Variants in PPIL2 observed in about 807,000 individuals in gnomAD.
The protein encoded by PPIL2 is peptidylprolyl isomerase like 2.
Under a neutral mutation model 75.2 loss-of-function variants are expected in PPIL2, and 50 were observed. The observed-to-expected ratio is 0.66, with a 90% CI of 0.53 to 0.84. The LOEUF is 0.84. Among genes scored for constraint, PPIL2 ranks in the 40% least tolerant of loss-of-function variants. The pLI is 0.00. For synonymous variants in PPIL2, 245 were observed against 258.8 expected (o/e 0.95, Z 0.51); for missense variants, 590 against 685.0 (o/e 0.86, Z 1.55).
intron 1 of PPIL2, among the ~76,000 whole-genome samples, chr22:21,667,567 C>CTTTAT (rs1468769932): frequency 1.4e-4 from 21 of 152,078 alleles, no homozygotes; most frequent in Admixed American, 1.0e-3. Context: ...CTTTGTTTTC[C>CTTTAT]ATCGACTTCA....
At position 21,695,846 on chromosome 22, in the gene PPIL2, G is replaced by C; in HGVS notation, c.*356G>C. The stretch of plus-strand genomic sequence containing the variant: ...AGATTGTGGTTTCCTCTTTAAGACA[G>C]GGTCTTGCTCTGTTGCCCAGGCTCC... On this transcript the variant is annotated 3_prime_UTR_variant, in exon 20 of 20. Transcript: ENST00000398831. 1 of 1,155,142 alleles carries C rather than the reference G, an allele frequency of 8.7e-7. No homozygotes were observed. The highest frequency in any genetic ancestry group is 1.1e-6 in the Non-Finnish European group (1 of 927,066). The allele number at this position is 1,155,142 out of a possible 1,614,324, so 71.6% of individuals were successfully genotyped here.
intron 7 of PPIL2, 38 bp from the exon 8 acceptor site, chr22:21,682,399 G>C: frequency 6.4e-7 from 1 of 1,564,612 alleles, no homozygotes; most frequent in East Asian, 2.2e-5. Flanking sequence ...GCCAAGGCTT[G>C]GGGCAGGCAT....
chr22:21,680,098 A>T (rs1384565873), intron 6 of PPIL2, among the ~76,000 whole-genome samples: 1 of 151,766 alleles, frequency 6.6e-6, no homozygotes, highest in Non-Finnish European at 1.5e-5. Context: ...CTCAAAAAAA[A>T]AAAAAAAGAA....
At chr22:21,675,840 G>T (rs1285115849) in intron 6 of PPIL2, among the ~76,000 whole-genome samples, 1 of 152,204 alleles carries the variant, frequency 6.6e-6, no homozygotes, top group Non-Finnish European at 1.5e-5. Flanking sequence ...GCTTTTCTTT[G>T]CCACAGCTCA....
Position 21,678,367 on chromosome 22 carries a change from G to T in PPIL2, c.296-2932G>T, listed in dbSNP as rs538208839. Among the ~76,000 whole-genome samples, 10 of 152,114 alleles carry T rather than the reference G, an allele frequency of 6.6e-5. No individual in the cohort carries two copies. In the South Asian group the frequency reaches 2.1e-3, roughly 32 times the overall value. ...CCACCTCAGCCTCCCAAGTAGCTGG[G>T]ACTACAGGCACCACCACTGCACCCA... On this transcript the variant is annotated intron_variant, in intron 6 of 19. Coordinates refer to ENST00000398831, the MANE Select transcript of PPIL2 (RefSeq NM_014337.4).
chr22:21,673,782 C>T (rs1057306532), intron 5 of PPIL2, among the ~76,000 whole-genome samples: 4 of 152,204 alleles, frequency 2.6e-5, no homozygotes, highest in Admixed American at 2.0e-4. Flanking sequence ...CTAGCCAAAC[C>T]TCTGAGGAGA....
At chr22:21,678,984 C>T (rs2066992711) in intron 6 of PPIL2, among the ~76,000 whole-genome samples, 1 of 151,376 alleles carries the variant, frequency 6.6e-6, no homozygotes, top group Non-Finnish European at 1.5e-5. Context: ...GCAACCTCCG[C>T]CTCTTGGGTT....
chr22:21,691,726 A>G (rs1248008926), intron 15 of PPIL2, among the ~76,000 whole-genome samples: 2 of 151,344 alleles, frequency 1.3e-5, no homozygotes, highest in Non-Finnish European at 2.9e-5. Context: ...AGCTTGCCTC[A>G]GGATGGTTCT....
intron 12 of PPIL2, 44 bp from the exon 13 acceptor site, chr22:21,687,599 T>A (rs1412502617): frequency 8.3e-7 from 1 of 1,199,214 alleles, no homozygotes. Context: ...TGAGCTGCCT[T>A]TGGCAGCTCT....
rs1380393948 is a variant in PPIL2 at position 21,675,132 on chromosome 22, CAGCCA to C, written c.295+19_295+23del. 1.2e-6 allele frequency: 2 copies of C among 1,609,194 alleles called. No individual in the cohort carries two copies. The highest frequency in any genetic ancestry group is 2.2e-5 in the East Asian group (1 of 44,878). Reference sequence around the variant, plus strand: ...ACAGTGAGGGTGAGTGGAACTATCACAGCCAATTCTGGGCTTGACCTGCAGACCCA... The same window carrying C: ...ACAGTGAGGGTGAGTGGAACTATCACATTCTGGGCTTGACCTGCAGACCCA... On this transcript the variant is annotated intron_variant, in intron 6 of 19. Transcript: ENST00000398831.
In PPIL2 at chr22:21,669,929, G is replaced by A; in HGVS notation, c.49G>A (p.Glu17Lys). The change falls in exon 2 of 20, where the codon GAA becomes AAA. Residue 17 changes from glutamate to lysine, a missense_variant. Glu to Lys is a moderately conservative substitution (Grantham distance 56). Transcript: ENST00000398831. ...QKDKMYITCAEYTHFYGGKKP... is the reference protein window; with the variant it reads ...QKDKMYITCAKYTHFYGGKKP... ...CTTCTTCAGGTACATTACCTGTGCTGAATACACTCACTTTTATGGTGGCAA... is the reference window on the plus strand; with the variant it reads ...CTTCTTCAGGTACATTACCTGTGCTAAATACACTCACTTTTATGGTGGCAA... 6.2e-7 allele frequency: 1 copy of A among 1,614,012 alleles called. No individual in the cohort carries two copies. The highest frequency in any genetic ancestry group is 8.5e-7 in the Non-Finnish European group (1 of 1,179,876).
intron 6 of PPIL2, among the ~76,000 whole-genome samples, chr22:21,676,362 C>G (rs2066858548): frequency 7.4e-6 from 1 of 135,052 alleles, no homozygotes; most frequent in South Asian, 2.3e-4. Context: ...TTTTATTTCT[C>G]CAAACCTCTT....
In PPIL2 at chr22:21,696,103, G is replaced by GACTT. The variant is rs1367244119; in HGVS notation, c.*617_*620dup. On this transcript the variant is annotated 3_prime_UTR_variant, in exon 20 of 20. Transcript: ENST00000398831. ...ACCTGGGACAAGTTTTCAGACCCCA[G>GACTT]ACTTACTGAGCCTAAGCCTCTGCAG... 2 of 979,102 alleles carry GACTT rather than the reference G, an allele frequency of 2.0e-6. No individual in the cohort carries two copies. The highest frequency in any genetic ancestry group is 2.2e-4 in the East Asian group (2 of 9,112). The allele number at this position is 979,102 out of a possible 1,614,324, so 60.7% of individuals were successfully genotyped here. A position where few individuals can be genotyped will look rare whatever the true frequency, so the allele number is the denominator to read the frequency against.
At chr22:21,677,731 A>T (rs951744314) in intron 6 of PPIL2, among the ~76,000 whole-genome samples, 1 of 152,114 alleles carries the variant, frequency 6.6e-6, no homozygotes, top group African/African-American at 2.4e-5. Flanking sequence ...GCAAATATTT[A>T]TTGAGTGCCT....
chr22:21,699,104 G>A (rs2068037026), downstream of PPIL2: 1 of 152,462 alleles, frequency 6.6e-6, no homozygotes, highest in African/African-American at 2.4e-5. Context: ...GGCATGCTGT[G>A]TGTGGGCAGT....
At chr22:21,672,616 G>A (rs373987673) in intron 5 of PPIL2, among the ~76,000 whole-genome samples, 6 of 152,080 alleles carry the variant, frequency 3.9e-5, no homozygotes, top group Non-Finnish European at 5.9e-5. Context: ...CTGTGACCTC[G>A]TCTTAACTTG....
rs2067982075 is a variant in PPIL2, at chr22:21,697,452, C to T, written c.*1962C>T. 5.6e-6 allele frequency: 1 copy of T among 179,254 alleles called. No homozygotes were observed. Among genetic ancestry groups the T allele is most frequent in the African/African-American group, 2.4e-5 (1 of 42,144 alleles). The allele number at this position is 179,254 out of a possible 1,614,324, so 11.1% of individuals were successfully genotyped here. Reference sequence around the variant, plus strand: ...GCTCCAGAGCTCGAAGACCCCAAGACAGCCCTCTGCTCTCAGCGGCGCCAC... The same window carrying T: ...GCTCCAGAGCTCGAAGACCCCAAGATAGCCCTCTGCTCTCAGCGGCGCCAC... On this transcript the variant is annotated 3_prime_UTR_variant, in exon 20 of 20. Transcript: ENST00000398831.
chr22:21,673,059 C>T (rs1669125), intron 5 of PPIL2, among the ~76,000 whole-genome samples: 37,535 of 152,142 alleles, frequency 0.25, 4,658 homozygotes, highest in Middle Eastern at 0.32. Flanking sequence ...CCCTGCTCTC[C>T]AGTACAAGGG....
downstream of PPIL2, chr22:21,699,547 C>CT (rs2068042748): frequency 6.6e-6 from 1 of 152,510 alleles, no homozygotes; most frequent in Non-Finnish European, 1.5e-5. Flanking sequence ...ACAGGCCCCT[C>CT]TATCAGTTCA....
Sources: allele counts gnomAD v4.1 joint callset (sites outside exome capture counted in the v4.1 genomes callset), GRCh38; gene constraint gnomAD v4.1.1; transcripts MANE v1.5; gene names NCBI Gene and HGNC (gene_info 2026-07-23, HGNC 2026-07-21).